Variants in GAS7 observed in about 807,000 individuals in gnomAD.
The protein encoded by GAS7 is growth arrest-specific protein 7.
In GAS7, 28 loss-of-function variants were observed where a neutral mutation model predicts 71.1. That is an observed-to-expected ratio of 0.39 (90% confidence interval 0.29 to 0.54). The LOEUF is 0.54. Ranked by LOEUF, GAS7 falls within the 20% of genes least tolerant of loss-of-function variation. GAS7 has a pLI of 0.62. For missense variants in GAS7, 436 were observed against 627.8 expected (o/e 0.69, Z 3.27); for synonymous variants, 258 against 245.8 (o/e 1.05, Z -0.46).
intron 1 of GAS7, among the ~76,000 whole-genome samples, chr17:10,094,083 G>T (rs1196299997): frequency 6.6e-6 from 1 of 152,200 alleles, no homozygotes; most frequent in Non-Finnish European, 1.5e-5. Context: ...ACAGACCTAT[G>T]GCAGCTGCCA....
intron 1 of GAS7, among the ~76,000 whole-genome samples, chr17:10,069,081 T>G (rs984389914): frequency 6.6e-6 from 1 of 152,252 alleles, no homozygotes; most frequent in South Asian, 2.1e-4. Context: ...ACAAACCGTA[T>G]TACTCACATG....
At chr17:10,176,799 A>G (rs1204548524) in intron 1 of GAS7, among the ~76,000 whole-genome samples, 1 of 151,990 alleles carries the variant, frequency 6.6e-6, no homozygotes, top group Non-Finnish European at 1.5e-5. Context: ...CCTTCCCTTA[A>G]TAGTCAGCAC....
chr17:9,918,668 C>T (rs989403965), intron 12 of GAS7, among the ~76,000 whole-genome samples: 3 of 152,208 alleles, frequency 2.0e-5, no homozygotes, highest in Admixed American at 1.3e-4. Flanking sequence ...AGTGCTGTGG[C>T]CGCAATAGAG....
chr17:10,109,470 TG>T (rs1420785695), intron 1 of GAS7, among the ~76,000 whole-genome samples: 1 of 152,170 alleles, frequency 6.6e-6, no homozygotes, highest in Non-Finnish European at 1.5e-5. Context: ...TGAGGAAAGA[TG>T]GGATCTCTTG....
intron 1 of GAS7, among the ~76,000 whole-genome samples, chr17:10,073,651 CA>C (rs747645605): frequency 2.0e-5 from 3 of 152,166 alleles, no homozygotes; most frequent in Admixed American, 6.5e-5. Flanking sequence ...AACGTTTGAG[CA>C]GCACTAATTT....
chr17:10,129,410 C>T lies in GAS7; in HGVS notation c.183+68798G>A, dbSNP rs549773286. Among the ~76,000 whole-genome samples the T allele has an allele frequency of 2.0e-5, 3 of 152,224 alleles. No homozygotes were observed. In the South Asian group the frequency reaches 6.2e-4, roughly 32 times the overall value. On this transcript the variant is annotated intron_variant, in intron 1 of 13. Coordinates refer to ENST00000432992, the MANE Select transcript of GAS7 (RefSeq NM_201433.2). ...ATTAGCTGGGCAGGGTGGCACATGC[C>T]TGTAGTCCCAGCTACTTGGGAGGCT...
intron 1 of GAS7, among the ~76,000 whole-genome samples, chr17:10,041,777 T>C (rs1294730678): frequency 2.0e-5 from 3 of 152,206 alleles, no homozygotes; most frequent in African/African-American, 7.2e-5. Context: ...TTGCTACATA[T>C]GAAGCCACAC....
At chr17:10,076,103 GGAGGGGAAGGA>G (rs1483414029) in intron 1 of GAS7, among the ~76,000 whole-genome samples, 1 of 144,056 alleles carries the variant, frequency 6.9e-6, no homozygotes, top group Non-Finnish European at 1.5e-5. Flanking sequence ...AAGGGAAAGT[GGAGGGGAAGGA>G]GAGGGGAAAG....
intron 1 of GAS7, among the ~76,000 whole-genome samples, chr17:10,160,229 T>C (rs557681901): frequency 5.9e-5 from 9 of 152,232 alleles, no homozygotes; most frequent in Admixed American, 3.3e-4. Flanking sequence ...CTTCTGTATG[T>C]AGGTTACACT....
chr17:9,927,513 A>G (rs998567760), intron 9 of GAS7, among the ~76,000 whole-genome samples: 1 of 151,866 alleles, frequency 6.6e-6, no homozygotes. Context: ...AACAAAAAAC[A>G]ATAATAATCA....
intron 1 of GAS7, among the ~76,000 whole-genome samples, chr17:10,055,556 G>A (rs939647282): frequency 6.6e-6 from 1 of 151,976 alleles, no homozygotes; most frequent in Non-Finnish European, 1.5e-5. Flanking sequence ...CTGAAAACCC[G>A]TCCCCTCCCT....
At chr17:9,966,290 G>A (rs1033278980) in intron 4 of GAS7, among the ~76,000 whole-genome samples, 2 of 148,028 alleles carry the variant, frequency 1.4e-5, no homozygotes, top group Admixed American at 6.8e-5. Flanking sequence ...GAGCCACCAC[G>A]ACCGCCCCCT....
chr17:9,917,469 AG>A, intron 13 of GAS7, 128 bp from the exon 14 acceptor site: 1 of 668,638 alleles, frequency 1.5e-6, no homozygotes. Flanking sequence ...CCGGGGCCCC[AG>A]GGGGAGGCCC....
At chr17:9,992,168 C>A (rs2070867526) in intron 2 of GAS7, among the ~76,000 whole-genome samples, 1 of 152,090 alleles carries the variant, frequency 6.6e-6, no homozygotes. Flanking sequence ...TCAGGAGGTA[C>A]CTGGGCCCAG....
intron 1 of GAS7, among the ~76,000 whole-genome samples, chr17:10,032,271 C>T (rs894193746): frequency 3.3e-5 from 5 of 152,190 alleles, no homozygotes; most frequent in African/African-American, 9.7e-5. Context: ...ACCTGAATGA[C>T]TGTGCTCGCT....
rs183842889 is a variant in GAS7 at position 9,982,499 on chromosome 17, G to A, written c.305-615C>T. Among the ~76,000 whole-genome samples, 12 of 152,226 alleles carry A rather than the reference G, an allele frequency of 7.9e-5. 1 individual carries two copies. The highest frequency in any genetic ancestry group is 2.0e-4 in the Admixed American group (3 of 15,282). ...GCTCTAATCAGAAATAAAACTGGCC[G>A]GGCACAGTGGCTCACAACTGTAATC... On this transcript the variant is annotated intron_variant, in intron 2 of 13. Transcript: ENST00000432992.
chr17:10,159,098 T>TATATATATATATATA (rs1555538321), intron 1 of GAS7, among the ~76,000 whole-genome samples: 36 of 45,484 alleles, frequency 7.9e-4, no homozygotes, highest in South Asian at 2.4e-3. Flanking sequence ...ATATATATAT[T>TATATATATATATATA]AAAGATAACA....
At chr17:9,999,981 T>C (rs2071203577) in intron 2 of GAS7, among the ~76,000 whole-genome samples, 1 of 152,200 alleles carries the variant, frequency 6.6e-6, no homozygotes, top group African/African-American at 2.4e-5. Flanking sequence ...AGGGGCAGCC[T>C]TAAAGGAGCG....
chr17:9,953,238 G>A (rs1013493626), intron 5 of GAS7, among the ~76,000 whole-genome samples: 2 of 152,092 alleles, frequency 1.3e-5, no homozygotes, highest in Non-Finnish European at 2.9e-5. Context: ...GCAAACGAAT[G>A]CAGGAACAGA....
Sources: gnomAD v4.1 joint callset for allele counts (sites outside exome capture counted in the v4.1 genomes callset) on GRCh38, gnomAD v4.1.1 for gene constraint, MANE v1.5 for transcripts, NCBI Gene and HGNC (gene_info 2026-07-23, HGNC 2026-07-21) for gene names.